Variants in COPS7B observed in about 807,000 individuals in gnomAD.
COPS7B encodes the protein COP9 signalosome complex subunit 7b.
A neutral mutation model predicts 33.4 loss-of-function variants in COPS7B; 9 were observed. The observed-to-expected ratio is 0.27, with a 90% CI of 0.16 to 0.47. COPS7B has a LOEUF of 0.47. Among genes scored for constraint, COPS7B ranks in the 20% least tolerant of loss-of-function variants. The pLI, the probability that COPS7B is intolerant of heterozygous loss-of-function variation, is 0.99. For missense variants in COPS7B, 242 were observed against 318.2 expected (o/e 0.76, Z 1.82); for synonymous variants, 119 against 126.3 (o/e 0.94, Z 0.39).
intron 1 of COPS7B, among the ~76,000 whole-genome samples, chr2:231,788,274 C>G (rs1042071168): frequency 4.6e-5 from 7 of 151,812 alleles, no homozygotes; most frequent in African/African-American, 1.7e-4. Flanking sequence ...GTAACTGGGA[C>G]TACAGGTATC....
At chr2:231,801,007 G>T (rs1236187225) in intron 6 of COPS7B, 3 of 760,920 alleles carry the variant, frequency 3.9e-6, no homozygotes, top group East Asian at 5.4e-5. Context: ...GAAAGGAAAA[G>T]AAATCTACAA....
At chr2:231,781,682 C>T (rs2049134395), upstream of COPS7B, 1 of 668,316 alleles carries the variant, frequency 1.5e-6, no homozygotes, top group Non-Finnish European at 2.6e-6. Context: ...CCCAGCATCC[C>T]CTGCACTCGG....
At chr2:231,803,691 G>T (rs1004723295) in intron 6 of COPS7B, among the ~76,000 whole-genome samples, 1 of 152,176 alleles carries the variant, frequency 6.6e-6, no homozygotes, top group Non-Finnish European at 1.5e-5. Flanking sequence ...GGGAGGCTGC[G>T]TTATGGTAGG....
rs770500850 is a variant in COPS7B, at chr2:231,807,572, C to T, written c.722C>T (p.Pro241Leu). 8 of 1,609,140 alleles carry T rather than the reference C, an allele frequency of 5.0e-6. No individual in the cohort carries two copies. In the East Asian group the frequency reaches 1.8e-4, roughly 36 times the overall value. ...MEQQLAEREC[P>L]PHAEQRQPTK... ...CAGCAGCTGGCTGAACGGGAGTGTC[C>T]CCCTCACGCTGAGCAGAGGCAGCCC... The change falls in exon 7 of 7, where the codon CCC becomes CTC. Residue 241 changes from proline to leucine, a missense_variant. Pro to Leu is a moderately conservative substitution (Grantham distance 98). Coordinates refer to ENST00000350033, the MANE Select transcript of COPS7B (RefSeq NM_022730.4).
At chr2:231,803,114 C>T (rs2049794125) in intron 6 of COPS7B, among the ~76,000 whole-genome samples, 1 of 152,182 alleles carries the variant, frequency 6.6e-6, no homozygotes, top group Admixed American at 6.5e-5. Flanking sequence ...ATCTGAAACA[C>T]AAAGGAGATG....
In COPS7B at chr2:231,808,246, G is replaced by T. The variant is rs192448199; in HGVS notation, c.*601G>T. The T allele has an allele frequency of 1.0e-3, 365 of 353,792 alleles. 1 individual carries two copies. The highest frequency in any genetic ancestry group is 7.5e-3 in the African/African-American group (339 of 45,464). 21.9% of individuals were successfully genotyped at this position (353,792 alleles called of 1,614,324 possible). A position where few individuals can be genotyped will look rare whatever the true frequency, so the allele number is the denominator to read the frequency against. ...ACGGGTTTTCAGCCTCTTAAGCCCA[G>T]CTCCGATCTCCAATTAGTTGAGAGC... On this transcript the variant is annotated 3_prime_UTR_variant, in exon 7 of 7. Coordinates refer to ENST00000350033, the MANE Select transcript of COPS7B (RefSeq NM_022730.4).
intron 3 of COPS7B, chr2:231,793,585 C>T (rs769270431): frequency 2.6e-5 from 4 of 152,164 alleles, no homozygotes; most frequent in African/African-American, 9.7e-5. Context: ...TTGCCTCTTT[C>T]TCAAGGCTCA....
At chr2:231,797,461 A>G (rs1401917363) in intron 5 of COPS7B, among the ~76,000 whole-genome samples, 4 of 152,240 alleles carry the variant, frequency 2.6e-5, no homozygotes, top group Admixed American at 2.6e-4. Flanking sequence ...CTGGCACACA[A>G]AATCTAGTTT....
chr2:231,796,058 A>C, intron 4 of COPS7B, 48 bp from the exon 5 acceptor site: 1 of 1,555,032 alleles, frequency 6.4e-7, no homozygotes, highest in Non-Finnish European at 8.9e-7. Context: ...CATTTTCGCT[A>C]ATGCTTGCCA....
intron 3 of COPS7B, 137 bp downstream of exon 3, chr2:231,791,945 G>A (rs139080846): frequency 2.7e-4 from 206 of 761,218 alleles, no homozygotes; most frequent in African/African-American, 2.2e-3. Context: ...TGCTGTGCCC[G>A]GTGGGTGACC....
chr2:231,785,077 C>G (rs1475842650), upstream of COPS7B, among the ~76,000 whole-genome samples: 1 of 152,334 alleles, frequency 6.6e-6, no homozygotes, highest in Non-Finnish European at 1.5e-5. Context: ...TCCCAAAGTG[C>G]TGGGATTACA....
At position 231,796,188 on chromosome 2, in the gene COPS7B, A is replaced by C. The variant is rs1322702028; in HGVS notation, c.410A>C (p.Tyr137Ser). The change falls in exon 5 of 7, where the codon TAC becomes TCC. Residue 137 changes from tyrosine to serine, a missense_variant. Physicochemically the swap from Tyr to Ser is moderately radical, Grantham distance 144. Transcript: ENST00000350033. ...ELEDLIIEAV[Y>S]TDIIQGKLDQ... Reference sequence around the variant, plus strand: ...GAAGACCTTATCATTGAGGCTGTCTACACTGACATCATCCAGGGCAAGCTG... The same window carrying C: ...GAAGACCTTATCATTGAGGCTGTCTCCACTGACATCATCCAGGGCAAGCTG... 6.2e-7 allele frequency: 1 copy of C among 1,614,046 alleles called. No individual in the cohort carries two copies. The highest frequency in any genetic ancestry group is 2.2e-5 in the East Asian group (1 of 44,904).
rs1192607926 is a variant in COPS7B at position 231,798,881 on chromosome 2, C to T, written c.553C>T (p.Leu185=). ...TAGGTGTGATGGCTGTGAAGCAGTT[C>T]TACTGGGCATCGAGCAGCAAGTTCT... ...HEWCDGCEAV[L]LGIEQQVLRA... The change falls in exon 6 of 7, where the codon CTA becomes TTA. Residue 185 remains leucine, a synonymous_variant. Transcript: ENST00000350033. 2 of 1,614,172 alleles carry T rather than the reference C, an allele frequency of 1.2e-6. No individual in the cohort carries two copies. The highest frequency in any genetic ancestry group is 1.7e-6 in the Non-Finnish European group (2 of 1,180,024).
chr2:231,802,704 A>T (rs2049782801), intron 6 of COPS7B, among the ~76,000 whole-genome samples: 1 of 152,214 alleles, frequency 6.6e-6, no homozygotes, highest in Non-Finnish European at 1.5e-5. Flanking sequence ...TAATTGGTTG[A>T]CCTACCTGGG....
chr2:231,802,636 G>A (rs1432675626), intron 6 of COPS7B, among the ~76,000 whole-genome samples: 2 of 152,194 alleles, frequency 1.3e-5, no homozygotes, highest in Non-Finnish European at 2.9e-5. Flanking sequence ...TCAGTTGAAG[G>A]GTGACTGTGG....
chr2:231,788,852 G>A (rs2049327467), intron 2 of COPS7B, 120 bp downstream of exon 2: 6 of 822,766 alleles, frequency 7.3e-6, no homozygotes, highest in Non-Finnish European at 1.1e-5. Flanking sequence ...TGAGACAGAT[G>A]GGAATTGGTG....
chr2:231,801,342 C>A (rs1462125568), intron 6 of COPS7B: 2 of 1,453,884 alleles, frequency 1.4e-6, no homozygotes, highest in East Asian at 2.5e-5. Flanking sequence ...CCTGGGGGAC[C>A]ATTATGAGCT....
At chr2:231,781,990 A>T, upstream of COPS7B, 5 of 1,068,962 alleles carry the variant, frequency 4.7e-6, no homozygotes, top group Non-Finnish European at 6.8e-6. Context: ...TTTTACATGT[A>T]TTTCAGGGTT....
chr2:231,797,330 C>T (rs561847147), intron 5 of COPS7B, among the ~76,000 whole-genome samples: 2 of 152,270 alleles, frequency 1.3e-5, no homozygotes, highest in South Asian at 4.1e-4. Context: ...AAGTTCTGTC[C>T]CAAATATAGC....
Sources: gnomAD v4.1 joint callset for allele counts (sites outside exome capture counted in the v4.1 genomes callset) on GRCh38, gnomAD v4.1.1 for gene constraint, MANE v1.5 for transcripts, NCBI Gene and HGNC (gene_info 2026-07-23, HGNC 2026-07-21) for gene names.